GPRC5A: variants seen among roughly 807,000 people sequenced by gnomAD.
GPRC5A encodes retinoic acid-induced protein 3.
A neutral mutation model predicts 22.5 loss-of-function variants in GPRC5A; 19 were observed. The ratio of observed to expected loss-of-function variants is 0.85; its 90% CI spans 0.59 to 1.24. The LOEUF (loss-of-function observed/expected upper bound fraction) is 1.24, where lower values mean the gene tolerates loss of function less well. GPRC5A is among the 50% of genes most tolerant of loss of function. The pLI is 0.00. For synonymous variants in GPRC5A, 192 were observed against 184.5 expected, an observed-to-expected ratio of 1.04 and a Z score of -0.33; for missense variants, 471 against 451.1, an observed-to-expected ratio of 1.04 and a Z score of -0.40.
chr12:12,910,308 A>AG lies in GPRC5A; in HGVS notation c.922+1141dup, dbSNP rs148753832. 4.1e-3 allele frequency among the ~76,000 whole-genome samples: 620 copies of AG among 152,210 alleles called. 6 individuals carry two copies. Among genetic ancestry groups the AG allele is most frequent in the African/African-American group, 0.014 (601 of 41,514 alleles). On this transcript the variant is annotated intron_variant, in intron 2 of 3. Coordinates refer to ENST00000014914, the MANE Select transcript of GPRC5A (RefSeq NM_003979.4). ...CTGAAGGGAGGCGGAGGAGGGCAGG[A>AG]GGGGTTATTTAACCACCCAGCCCCT... is the stretch of plus-strand genomic sequence containing the variant.
intron 1 of GPRC5A, among the ~76,000 whole-genome samples, chr12:12,900,226 G>T (rs1440667121): frequency 1.3e-5 from 2 of 152,154 alleles, no homozygotes; most frequent in African/African-American, 4.8e-5. Flanking sequence ...TTTAGTTTGG[G>T]TAGGAGTTTG....
Position 12,914,594 on chromosome 12 carries a change from T to TTCTTTCTTCCTTTCTTTCTTTC in GPRC5A, c.*2058_*2059insTTCTTCCTTTCTTTCTTTCTCT, listed in dbSNP as rs59721062. The TTCTTTCTTCCTTTCTTTCTTTC allele has an allele frequency of 2.5e-5, 2 of 81,544 alleles. No individual in the cohort carries two copies. Among genetic ancestry groups the TTCTTTCTTCCTTTCTTTCTTTC allele is most frequent in the African/African-American group, 6.4e-5 (1 of 15,530 alleles). The allele number at this position is 81,544 out of a possible 1,614,324, so 5.1% of individuals were successfully genotyped here. ...TTTCTTTCTTTCTTTCTTTCTTTCT[T>TTCTTTCTTCCTTTCTTTCTTTC]TCTCTCTCTCTCTCTCTCTCTCTTT... is the stretch of plus-strand genomic sequence containing the variant. On this transcript the variant is annotated 3_prime_UTR_variant, in exon 4 of 4. Transcript: ENST00000014914.
rs778981893 is a variant in GPRC5A at position 12,915,806 on chromosome 12, G to A, written c.*3267G>A. On this transcript the variant is annotated 3_prime_UTR_variant, in exon 4 of 4. Coordinates refer to ENST00000014914, the MANE Select transcript of GPRC5A (RefSeq NM_003979.4). ...GCTGGGATTACAGGCATGAGCCACC[G>A]CGCCCGGCCCCGTTGTTTCCCTTCT... The A allele has an allele frequency of 2.6e-5, 13 of 507,452 alleles. No homozygotes were observed. The highest frequency in any genetic ancestry group is 5.9e-4 in the Middle Eastern group (1 of 1,694). 31.4% of individuals were successfully genotyped at this position (507,452 alleles called of 1,614,324 possible). A position where few individuals can be genotyped will look rare whatever the true frequency, so the allele number is the denominator to read the frequency against.
At chr12:12,895,949 C>T (rs1053674948) in intron 1 of GPRC5A, among the ~76,000 whole-genome samples, 17 of 139,988 alleles carry the variant, frequency 1.2e-4, no homozygotes, top group Admixed American at 8.3e-4. Flanking sequence ...GCCGAGATCA[C>T]GCCACTGCAC....
chr12:12,896,373 A>G (rs145386392), intron 1 of GPRC5A, among the ~76,000 whole-genome samples: 135 of 152,312 alleles, frequency 8.9e-4, no homozygotes, highest in African/African-American at 3.1e-3. Context: ...AGTTATTGCC[A>G]TGATTCATCA....
rs149446775 is a variant in GPRC5A at position 12,909,024 on chromosome 12, G to T, written c.775G>T (p.Ala259Ser). Residue 259 changes from alanine to serine, a missense_variant, in exon 2 of 4, where the codon GCT (alanine) becomes TCT (serine). By Grantham distance (99) the Ala-to-Ser change is moderately conservative (BLOSUM62 1). Coordinates refer to ENST00000014914, the MANE Select transcript of GPRC5A (RefSeq NM_003979.4). ...TGCCAATGGCTGGGTGTTCCTGTTGGCTTATGTTAGTCCCGAGTTTTGGCT... is the reference window on the plus strand; with the variant it reads ...TGCCAATGGCTGGGTGTTCCTGTTGTCTTATGTTAGTCCCGAGTTTTGGCT... ...LAANGWVFLL[A>S]YVSPEFWLLT... 122 of 1,613,502 alleles carry T rather than the reference G, an allele frequency of 7.6e-5. No homozygotes were observed. In the African/African-American group the frequency reaches 1.5e-3, roughly 20 times the overall value.
intron 1 of GPRC5A, among the ~76,000 whole-genome samples, chr12:12,903,947 A>G (rs1273700197): frequency 1.3e-5 from 2 of 152,216 alleles, no homozygotes. Flanking sequence ...CAATCAGGTA[A>G]TTATGAAAAC....
rs76634522 is a variant in GPRC5A, at chr12:12,908,619, C to G, written c.370C>G (p.Arg124Gly). Residue 124 changes from arginine (R) to glycine (G), a missense_variant, in exon 2 of 4, where the codon CGG becomes GGG. Transcript: ENST00000014914. ...TGCTGTCAGTCTGACCAAGCTCGTC[C>G]GGGGGAGGAAGCCCCTTTCCCTGTT... is the stretch of plus-strand genomic sequence containing the variant. ...AHAVSLTKLV[R>G]GRKPLSLLVI... 4 of 1,613,918 alleles carry G rather than the reference C, an allele frequency of 2.5e-6. No homozygotes were observed. In the Admixed American group the frequency reaches 5.0e-5, roughly 20 times the overall value.
chr12:12,901,925 C>T (rs1225784314), intron 1 of GPRC5A, among the ~76,000 whole-genome samples: 1 of 152,232 alleles, frequency 6.6e-6, no homozygotes, highest in African/African-American at 2.4e-5. Context: ...CACCGCTAGT[C>T]TCATTCTCTT....
intron 2 of GPRC5A, 110 bp downstream of exon 2, chr12:12,909,281 A>G: frequency 1.3e-6 from 1 of 772,722 alleles, no homozygotes; most frequent in Non-Finnish European, 2.0e-6. Flanking sequence ...TATACCCTTG[A>G]TAGAATAGAT....
At chr12:12,901,702 G>A (rs1863888334) in intron 1 of GPRC5A, among the ~76,000 whole-genome samples, 1 of 150,914 alleles carries the variant, frequency 6.6e-6, no homozygotes, top group East Asian at 2.0e-4. Context: ...AGTGCTACGG[G>A]AGGAAAAGCT....
intron 1 of GPRC5A, among the ~76,000 whole-genome samples, chr12:12,907,711 A>G (rs1252104307): frequency 6.6e-6 from 1 of 152,158 alleles, no homozygotes; most frequent in Non-Finnish European, 1.5e-5. Context: ...AGCTCACTGC[A>G]TCCTTGAACT....
At chr12:12,901,882 T>C (rs1168272253) in intron 1 of GPRC5A, among the ~76,000 whole-genome samples, 1 of 152,044 alleles carries the variant, frequency 6.6e-6, no homozygotes, top group Non-Finnish European at 1.5e-5. Context: ...AGATCTCCCG[T>C]CCTTTGACTT....
chr12:12,904,949 G>A (rs1863926471), intron 1 of GPRC5A, among the ~76,000 whole-genome samples: 1 of 144,604 alleles, frequency 6.9e-6, no homozygotes, highest in Admixed American at 7.1e-5. Context: ...GCAGTGGCAT[G>A]ATCCCCGCTC....
intron 1 of GPRC5A, among the ~76,000 whole-genome samples, chr12:12,907,528 T>A (rs773652276): frequency 6.6e-6 from 1 of 152,178 alleles, no homozygotes; most frequent in Non-Finnish European, 1.5e-5. Flanking sequence ...AACGTTATGA[T>A]TAAAGTGTTA....
At chr12:12,900,237 T>A (rs993811106) in intron 1 of GPRC5A, among the ~76,000 whole-genome samples, 1 of 152,162 alleles carries the variant, frequency 6.6e-6, no homozygotes, top group Non-Finnish European at 1.5e-5. Flanking sequence ...TAGGAGTTTG[T>A]GGCACATACT....
intron 1 of GPRC5A, among the ~76,000 whole-genome samples, chr12:12,892,795 A>G (rs1285890341): frequency 6.6e-6 from 1 of 152,190 alleles, no homozygotes; most frequent in Non-Finnish European, 1.5e-5. Context: ...AGGCTTGTGT[A>G]AACACCACAC....
At chr12:12,898,761 C>CAGATTGGGAA (rs1216979925) in intron 1 of GPRC5A, among the ~76,000 whole-genome samples, 1 of 152,200 alleles carries the variant, frequency 6.6e-6, no homozygotes, top group African/African-American at 2.4e-5. Flanking sequence ...GGGAGTTAAC[C>CAGATTGGGAA]TGGGCTTTTC....
chr12:12,900,356 A>G lies in GPRC5A; in HGVS notation c.-7-7887A>G, dbSNP rs975490675. On this transcript the variant is annotated intron_variant, in intron 1 of 3. Coordinates refer to ENST00000014914, the MANE Select transcript of GPRC5A (RefSeq NM_003979.4). ...AGGTGGGTGAACGGTGGAGCTGAACATGAGTTCAGACCACGTAGTTCAGCA... is the reference window on the plus strand; with the variant it reads ...AGGTGGGTGAACGGTGGAGCTGAACGTGAGTTCAGACCACGTAGTTCAGCA... 2.6e-5 allele frequency among the ~76,000 whole-genome samples: 4 copies of G among 152,334 alleles called. No homozygotes were observed. The East Asian group carries it at 7.7e-4, about 29-fold the overall frequency.
Sources: allele counts gnomAD v4.1 joint callset (sites outside exome capture counted in the v4.1 genomes callset), GRCh38; gene constraint gnomAD v4.1.1; transcripts MANE v1.5; gene names NCBI Gene and HGNC (gene_info 2026-07-23, HGNC 2026-07-21).